ARHGAP39: variants seen among roughly 807,000 people sequenced by gnomAD.
ARHGAP39 encodes the protein Rho GTPase activating protein 39.
In ARHGAP39, 44 loss-of-function variants were observed where a neutral mutation model predicts 106.9. The ratio of observed to expected loss-of-function variants is 0.41; its 90% CI spans 0.32 to 0.53. ARHGAP39 has a LOEUF of 0.53. Ranked by LOEUF, ARHGAP39 falls within the 20% of genes least tolerant of loss-of-function variation. The probability of loss-of-function intolerance (pLI) is 0.21; values close to 1 mark genes in which losing one functional copy is unlikely to be tolerated. For synonymous variants in ARHGAP39, 768 were observed against 693.2 expected (o/e 1.11, Z -1.69); for missense variants, 1,496 against 1,577.3 (o/e 0.95, Z 0.87).
intron 3 of ARHGAP39, among the ~76,000 whole-genome samples, chr8:144,567,460 C>T (rs1818439030): frequency 6.6e-6 from 1 of 152,188 alleles, no homozygotes; most frequent in South Asian, 2.1e-4. Flanking sequence ...CAAGGGAAAA[C>T]ACCCGCTACT....
chr8:144,552,675 AT>A lies in ARHGAP39; in HGVS notation c.596+2884del, dbSNP rs539911717. Among the ~76,000 whole-genome samples, 21 of 150,774 alleles carry A rather than the reference AT, an allele frequency of 1.4e-4. 1 individual carries two copies. In the South Asian group the frequency reaches 1.9e-3, roughly 14 times the overall value. On this transcript the variant is annotated intron_variant, in intron 4 of 11. Coordinates refer to ENST00000377307, the MANE Select transcript of ARHGAP39 (RefSeq NM_025251.3). ...TGAGTGCTGGTATCAAGCTGGTGAGATTTTTTTTTCTATCTCAATATGCAGA... is the reference window on the plus strand; with the variant it reads ...TGAGTGCTGGTATCAAGCTGGTGAGATTTTTTTTCTATCTCAATATGCAGA...
chr8:144,602,912 T>C (rs568231627), intron 2 of ARHGAP39, among the ~76,000 whole-genome samples: 257 of 130,644 alleles, frequency 2.0e-3, no homozygotes, highest in African/African-American at 8.0e-3. Context: ...CCTGTGTGTG[T>C]GTGCGTGGAG....
intron 1 of ARHGAP39, among the ~76,000 whole-genome samples, chr8:144,656,095 A>T (rs2129664912): frequency 6.6e-6 from 1 of 152,276 alleles, no homozygotes; most frequent in South Asian, 2.1e-4. Flanking sequence ...ATACATACTA[A>T]AAGAAATATT....
At chr8:144,579,662 C>G (rs59806653) in intron 3 of ARHGAP39, among the ~76,000 whole-genome samples, 13,536 of 152,102 alleles carry the variant, frequency 0.089, 1,389 homozygotes, top group African/African-American at 0.25. Context: ...CACCTCGGCA[C>G]GGTGGGACGG....
rs112112343 is a variant in ARHGAP39, at chr8:144,673,216, C to CAAAAAA, written c.-82+12464_-82+12469dup. ...TGGGTGATAGATTGAGAACCTGTCT[C>CAAAAAA]AAAAAAAAAAAGAGGAAGAAAGAAA... On this transcript the variant is annotated intron_variant, in intron 1 of 11. Coordinates refer to ENST00000377307, the MANE Select transcript of ARHGAP39 (RefSeq NM_025251.3). Among the ~76,000 whole-genome samples, 266 of 141,386 alleles carry CAAAAAA rather than the reference C, an allele frequency of 1.9e-3. 1 individual carries two copies. The highest frequency in any genetic ancestry group is 6.4e-3 in the African/African-American group (244 of 37,988). 92.8% of individuals were successfully genotyped at this position (141,386 alleles called of 152,430 possible).
At position 144,641,754 on chromosome 8, in the gene ARHGAP39, G is replaced by GT. The variant is rs1467860825; in HGVS notation, c.-81-36060_-81-36059insA. On this transcript the variant is annotated intron_variant, in intron 1 of 11. Transcript: ENST00000377307. The surrounding 1 kb of genome is among the most constrained non-coding windows in gnomAD (Gnocchi z 5.2). ...CAAGCTCCTGCCACAGTCTGAGCTG[G>GT]CCCCACAGGTACCCAAGAGTGTCCT... Among the ~76,000 whole-genome samples, 1 of 152,236 alleles carries GT rather than the reference G, an allele frequency of 6.6e-6. No homozygotes were observed. The highest frequency in any genetic ancestry group is 1.9e-4 in the East Asian group (1 of 5,204).
chr8:144,653,010 A>C (rs1821610697), intron 1 of ARHGAP39, among the ~76,000 whole-genome samples: 2 of 152,176 alleles, frequency 1.3e-5, no homozygotes, highest in South Asian at 2.1e-4. Context: ...AATTATTGAA[A>C]TATGAGGCCG....
intron 1 of ARHGAP39, among the ~76,000 whole-genome samples, chr8:144,654,017 C>T (rs573316661): frequency 4.6e-5 from 7 of 152,258 alleles, no homozygotes; most frequent in Middle Eastern, 3.4e-3. Flanking sequence ...CTGCCGGACA[C>T]GAGCACTGAA....
At chr8:144,567,123 T>C (rs1427051127) in intron 3 of ARHGAP39, among the ~76,000 whole-genome samples, 1 of 152,210 alleles carries the variant, frequency 6.6e-6, no homozygotes, top group Non-Finnish European at 1.5e-5. Flanking sequence ...TCCAGTATGA[T>C]AAAATATATA....
Position 144,548,951 on chromosome 8 carries a change from G to A in ARHGAP39, c.597-462C>T, listed in dbSNP as rs543668492. Among the ~76,000 whole-genome samples the A allele has an allele frequency of 6.6e-6, 1 of 152,186 alleles. No homozygotes were observed. Among genetic ancestry groups the A allele is most frequent in the African/African-American group, 2.4e-5 (1 of 41,446 alleles). ...CCAGAATCCCACGGCCCCATTCTCC[G>A]ACTGGGAGCTCCTGTGAGCTCCAGA... is the stretch of plus-strand genomic sequence containing the variant. On this transcript the variant is annotated intron_variant, in intron 4 of 11. Transcript: ENST00000377307. The surrounding 1 kb of genome is among the most constrained non-coding windows in gnomAD (Gnocchi z 7.4).
At position 144,591,918 on chromosome 8, in the gene ARHGAP39, G is replaced by A. The variant is rs1477643101; in HGVS notation, c.81-10641C>T. Among the ~76,000 whole-genome samples the A allele has an allele frequency of 6.6e-6, 1 of 152,016 alleles. No homozygotes were observed. The highest frequency in any genetic ancestry group is 2.4e-5 in the African/African-American group (1 of 41,384). On this transcript the variant is annotated intron_variant, in intron 2 of 11. Transcript: ENST00000377307. This position sits in a 1 kb window ranked among gnomAD's most constrained non-coding sequence, Gnocchi z 5.3. ...CTGCCTGTGGGGAGTGGTGCCTGTGGGGAGTGGTGCCTGCAGGGAGTGGTG... is the reference window on the plus strand; with the variant it reads ...CTGCCTGTGGGGAGTGGTGCCTGTGAGGAGTGGTGCCTGCAGGGAGTGGTG...
chr8:144,592,008 A>G (rs183132504), intron 2 of ARHGAP39, among the ~76,000 whole-genome samples: 1 of 152,286 alleles, frequency 6.6e-6, no homozygotes, highest in Non-Finnish European at 1.5e-5. Flanking sequence ...GATACTCCCA[A>G]AATAGTTTTT....
intron 1 of ARHGAP39, among the ~76,000 whole-genome samples, chr8:144,648,766 T>C (rs1821504984): frequency 6.6e-6 from 1 of 152,062 alleles, no homozygotes; most frequent in East Asian, 1.9e-4. Context: ...GGGCAAATAA[T>C]GAAATTACGG....
Position 144,576,332 on chromosome 8 carries a change from CAAAAAAAAAA to C in ARHGAP39, c.512+4504_512+4513del, listed in dbSNP as rs67038997. Among the ~76,000 whole-genome samples the C allele has an allele frequency of 9.4e-5, 6 of 63,812 alleles. No homozygotes were observed. The Admixed American group carries it at 9.5e-4, about 10-fold the overall frequency. 41.9% of individuals were successfully genotyped at this position (63,812 alleles called of 152,430 possible). A position where few individuals can be genotyped will look rare whatever the true frequency, so the allele number is the denominator to read the frequency against. On this transcript the variant is annotated intron_variant, in intron 3 of 11. Coordinates refer to ENST00000377307, the MANE Select transcript of ARHGAP39 (RefSeq NM_025251.3). ...TGGGCGACAGAGTGAGACTCCGTCT[CAAAAAAAAAA>C]AAAAAAAAAAAAAAAGAACGAAAAA...
At chr8:144,633,804 G>C (rs1563717456) in intron 1 of ARHGAP39, among the ~76,000 whole-genome samples, 3 of 152,164 alleles carry the variant, frequency 2.0e-5, no homozygotes, top group Admixed American at 1.3e-4. Flanking sequence ...AGCCCCCAGA[G>C]CAGCCAGGAC....
intron 2 of ARHGAP39, among the ~76,000 whole-genome samples, chr8:144,603,306 T>C (rs1010078646): frequency 6.6e-6 from 1 of 151,294 alleles, no homozygotes; most frequent in African/African-American, 2.5e-5. Context: ...TGTATCTGTG[T>C]GTGTGCGTGT....
At chr8:144,606,617 A>G (rs1161181158) in intron 1 of ARHGAP39, among the ~76,000 whole-genome samples, 1 of 152,066 alleles carries the variant, frequency 6.6e-6, no homozygotes, top group African/African-American at 2.4e-5. Flanking sequence ...GAGAAGGAGG[A>G]GGAGGAGGAG....
At chr8:144,582,762 G>A (rs1384816484) in intron 2 of ARHGAP39, among the ~76,000 whole-genome samples, 1 of 152,178 alleles carries the variant, frequency 6.6e-6, no homozygotes, top group African/African-American at 2.4e-5. Context: ...AATGAAGGAG[G>A]GCCAGTGAGA....
At chr8:144,571,022 G>A (rs904043483) in intron 3 of ARHGAP39, among the ~76,000 whole-genome samples, 2 of 152,164 alleles carry the variant, frequency 1.3e-5, no homozygotes, top group East Asian at 3.8e-4. Context: ...TCCAGGACCA[G>A]ACGGATTCAC....
Sources: gnomAD v4.1 joint callset for allele counts (sites outside exome capture counted in the v4.1 genomes callset) on GRCh38, gnomAD v4.1.1 for gene constraint, Gnocchi (gnomAD v3.1) non-coding constraint, MANE v1.5 for transcripts, NCBI Gene and HGNC (gene_info 2026-07-23, HGNC 2026-07-21) for gene names.